CNBD1: variants seen among roughly 807,000 people sequenced by gnomAD.
CNBD1 encodes the protein cyclic nucleotide binding domain containing 1.
Under a neutral mutation model 54.4 loss-of-function variants are expected in CNBD1, and 71 were observed. The ratio of observed to expected loss-of-function variants is 1.30; its 90% CI spans 1.08 to 1.59. The LOEUF is 1.59. CNBD1 is among the 40% of genes most tolerant of loss of function. CNBD1 has a pLI of 0.00. For synonymous variants in CNBD1, 182 were observed against 170.7 expected (o/e 1.07, Z -0.51); for missense variants, 659 against 518.0 (o/e 1.27, Z -2.64).
At chr8:87,314,606 A>G (rs1370382954) in intron 8 of CNBD1, among the ~76,000 whole-genome samples, 1 of 59,460 alleles carries the variant, frequency 1.7e-5, no homozygotes, top group Non-Finnish European at 4.2e-5. Flanking sequence ...GGGAGGCAGT[A>G]TTATTATTTT....
intron 8 of CNBD1, among the ~76,000 whole-genome samples, chr8:87,341,323 A>G (rs1810059146): frequency 6.6e-6 from 1 of 152,050 alleles, no homozygotes. Context: ...AGATGAGACA[A>G]TGTCTGTTCC....
chr8:87,382,221 C>A (rs1253659395), intron 10 of CNBD1, among the ~76,000 whole-genome samples: 1 of 151,840 alleles, frequency 6.6e-6, no homozygotes, highest in Non-Finnish European at 1.5e-5. Context: ...CTATGGAATT[C>A]TAGCTAACTG....
intron 4 of CNBD1, among the ~76,000 whole-genome samples, chr8:87,101,148 T>G (rs940844964): frequency 1.3e-5 from 2 of 152,140 alleles, no homozygotes; most frequent in African/African-American, 4.8e-5. Context: ...AAAATAAAAT[T>G]TATTAGGTGT....
chr8:87,426,319 C>G (rs1808049896), intron 2 of CNBD1, among the ~76,000 whole-genome samples: 1 of 152,210 alleles, frequency 6.6e-6, no homozygotes, highest in Non-Finnish European at 1.5e-5. Flanking sequence ...GGAGCTGTTC[C>G]TATTCGGCCA....
At chr8:87,364,217 A>T (rs941583892) in intron 10 of CNBD1, among the ~76,000 whole-genome samples, 6 of 151,286 alleles carry the variant, frequency 4.0e-5, no homozygotes, top group Non-Finnish European at 8.8e-5. Context: ...ACATATATTT[A>T]TAAGTATCTA....
At chr8:87,337,205 A>G (rs1374169973) in intron 8 of CNBD1, among the ~76,000 whole-genome samples, 1 of 152,114 alleles carries the variant, frequency 6.6e-6, no homozygotes, top group Non-Finnish European at 1.5e-5. Context: ...GACCCATTTA[A>G]CAAGGCACTT....
intron 4 of CNBD1, among the ~76,000 whole-genome samples, chr8:87,190,206 A>G (rs1298975021): frequency 1.3e-5 from 2 of 152,224 alleles, no homozygotes; most frequent in East Asian, 1.9e-4. Context: ...TAGCTGTACA[A>G]TTTCTGAATA....
In CNBD1 at chr8:87,202,685, G is replaced by A. The variant is rs527584462; in HGVS notation, c.432-3308G>A. ...CAGTTTTATAGACCTGGGGGTTGGGGTGAGGTCTGGGGCAAGGCTAGAAGT... is the reference window on the plus strand; with the variant it reads ...CAGTTTTATAGACCTGGGGGTTGGGATGAGGTCTGGGGCAAGGCTAGAAGT... On this transcript the variant is annotated intron_variant, in intron 4 of 10. Transcript: ENST00000518476. Among the ~76,000 whole-genome samples, 7 of 152,188 alleles carry A rather than the reference G, an allele frequency of 4.6e-5. No homozygotes were observed. In the South Asian group the frequency reaches 1.2e-3, roughly 27 times the overall value.
chr8:87,122,623 C>T (rs916305207), intron 4 of CNBD1, among the ~76,000 whole-genome samples: 6 of 151,786 alleles, frequency 4.0e-5, no homozygotes, highest in African/African-American at 1.2e-4. Flanking sequence ...AGACCAATGT[C>T]ATTTAGCATT....
intron 4 of CNBD1, among the ~76,000 whole-genome samples, chr8:87,008,721 G>T (rs1809153902): frequency 6.6e-6 from 1 of 152,160 alleles, no homozygotes; most frequent in Non-Finnish European, 1.5e-5. Context: ...AATTAAGAAA[G>T]AATGGTTTTG....
chr8:86,899,133 A>G (rs1808893931), intron 2 of CNBD1, among the ~76,000 whole-genome samples: 1 of 152,058 alleles, frequency 6.6e-6, no homozygotes, highest in South Asian at 2.1e-4. Flanking sequence ...AAACGCAAAT[A>G]CAGAGATAGA....
chr8:87,356,018 A>G (rs1810413149), intron 10 of CNBD1, among the ~76,000 whole-genome samples: 1 of 152,080 alleles, frequency 6.6e-6, no homozygotes, highest in African/African-American at 2.4e-5. Context: ...CATGTGACAC[A>G]CCTGCTCCTC....
chr8:87,303,735 G>C (rs150424331), intron 8 of CNBD1, among the ~76,000 whole-genome samples: 75,221 of 137,882 alleles, frequency 0.55, 22,230 homozygotes, highest in African/African-American at 0.75. Context: ...GCAATCTACT[G>C]ATCTGACAAA....
chr8:87,211,568 G>A (rs1186770832), intron 5 of CNBD1, among the ~76,000 whole-genome samples: 2 of 152,160 alleles, frequency 1.3e-5, no homozygotes, highest in Non-Finnish European at 2.9e-5. Context: ...ATGATAGTGA[G>A]TGAGTTCTCA....
intron 6 of CNBD1, among the ~76,000 whole-genome samples, chr8:87,268,987 A>G (rs1322684162): frequency 1.3e-5 from 2 of 151,978 alleles, no homozygotes; most frequent in Non-Finnish European, 2.9e-5. Flanking sequence ...TTAGTTATAA[A>G]TTATTTGCCA....
chr8:86,880,641 A>C (rs771625657), intron 1 of CNBD1, among the ~76,000 whole-genome samples: 15 of 152,222 alleles, frequency 9.9e-5, no homozygotes, highest in Non-Finnish European at 2.2e-4. Flanking sequence ...AAGAGATGGA[A>C]TTGACAGTCT....
intron 3 of CNBD1, among the ~76,000 whole-genome samples, chr8:86,918,921 A>G (rs1250681412): frequency 2.0e-5 from 3 of 151,834 alleles, no homozygotes; most frequent in Admixed American, 1.3e-4. Context: ...CTGAGTCTCC[A>G]ATGACTATTA....
At chr8:87,418,677 C>A (rs940572976) in intron 2 of CNBD1, among the ~76,000 whole-genome samples, 1 of 151,712 alleles carries the variant, frequency 6.6e-6, no homozygotes, top group Non-Finnish European at 1.5e-5. Flanking sequence ...AACAAAAATA[C>A]CTTATTTAAA....
chr8:87,035,488 T>C (rs1379203950), intron 4 of CNBD1, among the ~76,000 whole-genome samples: 1 of 152,236 alleles, frequency 6.6e-6, no homozygotes, highest in African/African-American at 2.4e-5. Flanking sequence ...CTTCAATTTT[T>C]ATTAAAGTAT....
Sources: gnomAD v4.1 joint callset for allele counts (sites outside exome capture counted in the v4.1 genomes callset) on GRCh38, gnomAD v4.1.1 for gene constraint, MANE v1.5 for transcripts, NCBI Gene and HGNC (gene_info 2026-07-23, HGNC 2026-07-21) for gene names.